The following FBXO25 variants were observed in gnomAD, a reference collection of about 807,000 sequenced individuals.
FBXO25 encodes the protein F-box protein 25, also known as F-box only protein 25.
In FBXO25, 45 loss-of-function variants were observed where a neutral mutation model predicts 51.9. The ratio of observed to expected loss-of-function variants is 0.87; its 90% CI spans 0.68 to 1.11. The LOEUF (loss-of-function observed/expected upper bound fraction) is 1.11. Ranked by LOEUF, FBXO25 falls within the 50% of genes most tolerant of loss-of-function variation. The pLI is 0.00. For synonymous variants in FBXO25, 199 were observed against 151.0 expected (o/e 1.32, Z -2.33); for missense variants, 507 against 428.5 (o/e 1.18, Z -1.62).
At chr8:432,966 C>G in intron 4 of FBXO25, 31 bp downstream of exon 4, 1 of 1,517,276 alleles carries the variant, frequency 6.6e-7, no homozygotes, top group Non-Finnish European at 8.8e-7. Flanking sequence ...ATGAGAGTAT[C>G]TTGTATTGTT....
intron 8 of FBXO25, among the ~76,000 whole-genome samples, chr8:459,675 G>T (rs1431142655): frequency 6.6e-6 from 1 of 152,216 alleles, no homozygotes; most frequent in African/African-American, 2.4e-5. Flanking sequence ...GAAGGGGCTG[G>T]CCTGAACATG....
At chr8:425,448 T>C (rs1321446571) in intron 2 of FBXO25, among the ~76,000 whole-genome samples, 2 of 151,790 alleles carry the variant, frequency 1.3e-5, no homozygotes, top group Non-Finnish European at 1.5e-5. Flanking sequence ...TTTTGGTTGA[T>C]TATTTTATCT....
intron 5 of FBXO25, among the ~76,000 whole-genome samples, chr8:446,930 A>G (rs1028622905): frequency 5.2e-5 from 6 of 115,320 alleles, no homozygotes; most frequent in African/African-American, 2.8e-4. Context: ...GAAGGGATGA[A>G]AAAACTCCAT....
intron 6 of FBXO25, among the ~76,000 whole-genome samples, chr8:450,499 G>A (rs1167815091): frequency 6.6e-6 from 1 of 152,084 alleles, no homozygotes; most frequent in East Asian, 1.9e-4. Context: ...TTAGTAAATG[G>A]AACTTTAAAT....
At position 473,944 on chromosome 8, in the gene FBXO25, A is replaced by G. The variant is rs549067009; in HGVS notation, c.*5140A>G. On this transcript the variant is annotated 3_prime_UTR_variant, in exon 10 of 10. Coordinates refer to ENST00000350302, the MANE Select transcript of FBXO25 (RefSeq NM_183420.2). ...TTAAAAGAATTTGACATGTTAAAATACACGTGAAATTTACCATCTTACCTA... is the reference window on the plus strand; with the variant it reads ...TTAAAAGAATTTGACATGTTAAAATGCACGTGAAATTTACCATCTTACCTA... The G allele has an allele frequency of 3.3e-5, 5 of 152,342 alleles. No homozygotes were observed. In the South Asian group the frequency reaches 1.0e-3, roughly 32 times the overall value. 9.4% of individuals were successfully genotyped at this position (152,342 alleles called of 1,614,324 possible). A position where few individuals can be genotyped will look rare whatever the true frequency, so the allele number is the denominator to read the frequency against.
intron 2 of FBXO25, among the ~76,000 whole-genome samples, chr8:424,882 CTTG>C (rs1329790495): frequency 1.3e-5 from 2 of 151,924 alleles, no homozygotes; most frequent in South Asian, 2.1e-4. Context: ...AGGATAGTTT[CTTG>C]TTGTTCTTAA....
chr8:429,709 T>G (rs1314349551), intron 2 of FBXO25, among the ~76,000 whole-genome samples: 1 of 152,244 alleles, frequency 6.6e-6, no homozygotes, highest in Non-Finnish European at 1.5e-5. Flanking sequence ...GTAGCCTAGT[T>G]GTCATTTGTG....
chr8:463,212 C>G, intron 9 of FBXO25, 62 bp downstream of exon 9: 1 of 1,548,856 alleles, frequency 6.5e-7, no homozygotes, highest in Non-Finnish European at 8.8e-7. Flanking sequence ...AAACTAATCA[C>G]CTATATTTTA....
At chr8:458,635 A>G in intron 8 of FBXO25, 84 bp downstream of exon 8, 8 of 1,296,324 alleles carry the variant, frequency 6.2e-6, no homozygotes, top group Non-Finnish European at 8.5e-6. Context: ...TCACCTGGAG[A>G]GAAAGAATGG....
In FBXO25 at chr8:454,898, G is replaced by GAAAA. The variant is rs1475853570; in HGVS notation, c.660+3447_660+3450dup. The stretch of plus-strand genomic sequence containing the variant: ...AGAGGGAGACTCCATCTCAAAAAAA[G>GAAAA]AAAAAGAAAAAGAAAACAAAGAATG... On this transcript the variant is annotated intron_variant, in intron 7 of 9. Coordinates refer to ENST00000350302, the MANE Select transcript of FBXO25 (RefSeq NM_183420.2). Among the ~76,000 whole-genome samples the GAAAA allele has an allele frequency of 4.7e-5, 6 of 126,956 alleles. 1 individual carries two copies. The highest frequency in any genetic ancestry group is 1.6e-4 in the African/African-American group (5 of 31,380). The allele number at this position is 126,956 out of a possible 152,430, so 83.3% of individuals were successfully genotyped here.
intron 2 of FBXO25, among the ~76,000 whole-genome samples, chr8:415,503 A>C (rs926788502): frequency 1.3e-5 from 2 of 152,186 alleles, no homozygotes; most frequent in Non-Finnish European, 2.9e-5. Context: ...CTGTTGATTC[A>C]GAATAGAGGG....
intron 5 of FBXO25, among the ~76,000 whole-genome samples, chr8:445,883 C>CAA (rs919714498): frequency 6.6e-6 from 1 of 152,080 alleles, no homozygotes; most frequent in African/African-American, 2.4e-5. Context: ...CAAAACAAAA[C>CAA]AAAAAAACAG....
Position 475,172 on chromosome 8 carries a change from C to T in FBXO25, c.*6368C>T, listed in dbSNP as rs997704423. 2 of 346,436 alleles carry T rather than the reference C, an allele frequency of 5.8e-6. No individual in the cohort carries two copies. Among genetic ancestry groups the T allele is most frequent in the Non-Finnish European group, 1.1e-5 (2 of 180,888 alleles). 21.5% of individuals were successfully genotyped at this position (346,436 alleles called of 1,614,324 possible). ...AGATCTAGCTTCATGTGGATGTCCA[C>T]TTGTCTAGCACCATTTGTTGAAAAG... On this transcript the variant is annotated 3_prime_UTR_variant, in exon 10 of 10. Coordinates refer to ENST00000350302, the MANE Select transcript of FBXO25 (RefSeq NM_183420.2).
At chr8:448,154 C>CA (rs1161584701) in intron 5 of FBXO25, among the ~76,000 whole-genome samples, 5 of 152,058 alleles carry the variant, frequency 3.3e-5, no homozygotes, top group Non-Finnish European at 7.4e-5. Context: ...CTGGAATCTT[C>CA]AAACAGGAAA....
In FBXO25 at chr8:472,236, C is replaced by A. The variant is rs1227930098; in HGVS notation, c.*3432C>A. ...ACCCTCTATTAGGTTGGGGAGGTTC[C>A]CTTCTATTCCTAGTTTGTTTTTATC... On this transcript the variant is annotated 3_prime_UTR_variant, in exon 10 of 10. Coordinates refer to ENST00000350302, the MANE Select transcript of FBXO25 (RefSeq NM_183420.2). The A allele has an allele frequency of 2.6e-5, 4 of 152,128 alleles. No individual in the cohort carries two copies. The highest frequency in any genetic ancestry group is 6.5e-5 in the Admixed American group (1 of 15,272). 9.4% of individuals were successfully genotyped at this position (152,128 alleles called of 1,614,324 possible).
At chr8:410,768 A>G (rs889474419) in intron 1 of FBXO25, among the ~76,000 whole-genome samples, 2 of 152,234 alleles carry the variant, frequency 1.3e-5, no homozygotes, top group Non-Finnish European at 2.9e-5. Context: ...AATTTAAGGA[A>G]TAAAGTATTT....
intron 4 of FBXO25, 111 bp from the exon 5 acceptor site, chr8:435,504 A>G (rs920395092): frequency 1.8e-5 from 20 of 1,098,278 alleles, no homozygotes; most frequent in Non-Finnish European, 2.6e-5. Context: ...CTTCAAAATA[A>G]AAACAAATTG....
In FBXO25 at chr8:471,420, C is replaced by G. The variant is rs1800480454; in HGVS notation, c.*2616C>G. 1 of 152,188 alleles carries G rather than the reference C, an allele frequency of 6.6e-6. No homozygotes were observed. The highest frequency in any genetic ancestry group is 2.4e-5 in the African/African-American group (1 of 41,448). The allele number at this position is 152,188 out of a possible 1,614,324, so 9.4% of individuals were successfully genotyped here. ...CACTTTGGAATGGTATTTTTGAATA[C>G]AGTTTCTATCAGGGGGCCTTCCAAA... is the stretch of plus-strand genomic sequence containing the variant. On this transcript the variant is annotated 3_prime_UTR_variant, in exon 10 of 10. Coordinates refer to ENST00000350302, the MANE Select transcript of FBXO25 (RefSeq NM_183420.2).
chr8:462,222 C>A (rs1272902052), intron 8 of FBXO25, among the ~76,000 whole-genome samples: 1 of 152,186 alleles, frequency 6.6e-6, no homozygotes, highest in Non-Finnish European at 1.5e-5. Context: ...TTCCATTTCC[C>A]TGATGACTGG....
Sources: gnomAD v4.1 joint callset for allele counts (sites outside exome capture counted in the v4.1 genomes callset) on GRCh38, gnomAD v4.1.1 for gene constraint, MANE v1.5 for transcripts, NCBI Gene and HGNC (gene_info 2026-07-23, HGNC 2026-07-21) for gene names.